The following GANC variants were observed in gnomAD, a reference collection of about 807,000 sequenced individuals.
GANC encodes glucosidase alpha, neutral C.
In GANC, 117 loss-of-function variants were observed where a neutral mutation model predicts 124.2. That is an observed-to-expected ratio of 0.94 (90% CI 0.81 to 1.10). The LOEUF (loss-of-function observed/expected upper bound fraction) is 1.10. Among genes scored for constraint, GANC ranks in the 50% least tolerant of loss-of-function variants. The probability of loss-of-function intolerance (pLI) is 0.00; values close to 1 mark genes in which losing one functional copy is unlikely to be tolerated. For missense variants in GANC, 1,140 were observed against 1,095.0 expected (o/e 1.04, Z -0.58); for synonymous variants, 377 against 376.8 (o/e 1.00, Z -0.01).
At chr15:42,289,354 C>T (rs369084005) in intron 4 of GANC, among the ~76,000 whole-genome samples, 2 of 152,212 alleles carry the variant, frequency 1.3e-5, no homozygotes, top group East Asian at 1.9e-4. Context: ...TCCTAGAGCC[C>T]AGCAGTTGTC....
In GANC at chr15:42,310,810, CCTT is replaced by C; in HGVS notation, c.1024_1026del (p.Ser342del). 1 of 1,614,130 alleles carries C rather than the reference CCTT, an allele frequency of 6.2e-7. No individual in the cohort carries two copies. The highest frequency in any genetic ancestry group is 8.5e-7 in the Non-Finnish European group (1 of 1,179,952). On this transcript the variant is annotated inframe_deletion, in exon 10 of 24. Transcript: ENST00000318010. ...TGTTTTTCTGCTGACAGGACCTACA[CCTT>C]CTGATGTCTTCAAACAGTACTCACA...
intron 6 of GANC, among the ~76,000 whole-genome samples, chr15:42,301,585 G>C (rs960494674): frequency 1.3e-5 from 2 of 152,074 alleles, no homozygotes; most frequent in African/African-American, 4.8e-5. Flanking sequence ...ACAGAACCCA[G>C]CAAGCTAAGA....
intron 13 of GANC, among the ~76,000 whole-genome samples, chr15:42,328,363 A>T (rs1595779834): frequency 6.6e-6 from 1 of 152,192 alleles, no homozygotes; most frequent in East Asian, 1.9e-4. Context: ...AAAGTTGAAA[A>T]TATTTACTAT....
chr15:42,292,379 T>TG (rs997027035), intron 4 of GANC, among the ~76,000 whole-genome samples: 3 of 150,500 alleles, frequency 2.0e-5, no homozygotes, highest in Non-Finnish European at 3.0e-5. Context: ...TACTGTGTGT[T>TG]TTTTTTTTTA....
chr15:42,310,158 G>T, intron 8 of GANC, 125 bp from the exon 9 acceptor site: 1 of 658,618 alleles, frequency 1.5e-6, no homozygotes, highest in Non-Finnish European at 2.3e-6. Context: ...TTAGGGAAGT[G>T]GCAAGAGTTG....
At chr15:42,342,772 C>T (rs2052336750) in intron 18 of GANC, among the ~76,000 whole-genome samples, 1 of 152,182 alleles carries the variant, frequency 6.6e-6, no homozygotes. Context: ...TGACTACTGA[C>T]ACATTAGCAG....
rs146960888 is a variant in GANC, at chr15:42,313,806, G to A, written c.1057+2960G>A. ...ACATGGGCTGGGCACAGTGGCTCAC[G>A]CCTGTAATCCCAGTGCTTTGGGAAG... On this transcript the variant is annotated intron_variant, in intron 10 of 23. Coordinates refer to ENST00000318010, the MANE Select transcript of GANC (RefSeq NM_198141.3). 2,287 of 483,236 alleles carry A rather than the reference G, an allele frequency of 4.7e-3. 13 individuals are homozygous for A. Among genetic ancestry groups the A allele is most frequent in the Non-Finnish European group, 6.5e-3 (1,778 of 272,004 alleles). The allele number at this position is 483,236 out of a possible 1,614,324, so 29.9% of individuals were successfully genotyped here. A position where few individuals can be genotyped will look rare whatever the true frequency, so the allele number is the denominator to read the frequency against.
At chr15:42,340,630 G>T in intron 17 of GANC, 60 bp from the exon 18 acceptor site, 5 of 1,184,764 alleles carry the variant, frequency 4.2e-6, no homozygotes, top group Non-Finnish European at 6.0e-6. Flanking sequence ...AAAAATATAA[G>T]TGATTGATTG....
At chr15:42,286,059 T>G (rs1473402900) in intron 3 of GANC, among the ~76,000 whole-genome samples, 2 of 151,838 alleles carry the variant, frequency 1.3e-5, no homozygotes, top group African/African-American at 4.8e-5. Flanking sequence ...TGGGACAATC[T>G]CTGAGTGAAT....
chr15:42,347,347 C>T (rs1003802524), intron 20 of GANC, among the ~76,000 whole-genome samples: 1 of 152,118 alleles, frequency 6.6e-6, no homozygotes, highest in Non-Finnish European at 1.5e-5. Flanking sequence ...CCTGCATGCT[C>T]ATTCTTGAGT....
chr15:42,299,644 C>T (rs1035397566), intron 6 of GANC, among the ~76,000 whole-genome samples: 1 of 152,140 alleles, frequency 6.6e-6, no homozygotes, highest in African/African-American at 2.4e-5. Flanking sequence ...TCCCGTATAG[C>T]CAAGACAATC....
intron 3 of GANC, chr15:42,280,824 G>A (rs1566948594): frequency 1.6e-6 from 1 of 639,574 alleles, no homozygotes; most frequent in Non-Finnish European, 2.8e-6. Context: ...CGTGATACCA[G>A]TTTGCGGTGG....
rs2051730089 is a variant in GANC at position 42,281,185 on chromosome 15, C to G, written c.201+2595C>G. The G allele has an allele frequency of 5.9e-6, 4 of 680,514 alleles. No individual in the cohort carries two copies. The South Asian group carries it at 6.2e-5, about 11-fold the overall frequency. 42.2% of individuals were successfully genotyped at this position (680,514 alleles called of 1,614,324 possible). On this transcript the variant is annotated intron_variant, in intron 3 of 23. Transcript: ENST00000318010. ...GGAATCTGCATGCCCTGATCTCAGGCAAATGTATGCAAATACATATTTCGG... is the reference window on the plus strand; with the variant it reads ...GGAATCTGCATGCCCTGATCTCAGGGAAATGTATGCAAATACATATTTCGG...
intron 5 of GANC, among the ~76,000 whole-genome samples, chr15:42,295,688 A>ACG (rs1424481110): frequency 4.2e-5 from 6 of 143,270 alleles, no homozygotes; most frequent in African/African-American, 1.5e-4. Context: ...ACACACACAC[A>ACG]GCGTGAACAA....
Position 42,274,596 on chromosome 15 carries a change from A to G in GANC, c.29+86A>G, listed in dbSNP as rs924109628. On this transcript the variant is annotated intron_variant, in intron 1 of 23. Coordinates refer to ENST00000318010, the MANE Select transcript of GANC (RefSeq NM_198141.3). Reference sequence around the variant, plus strand: ...TTTTAATTGCATTTCTTATTTGCGTATTTGGTATTTGCTGACCTTTATCTT... The same window carrying G: ...TTTTAATTGCATTTCTTATTTGCGTGTTTGGTATTTGCTGACCTTTATCTT... 4 of 1,296,408 alleles carry G rather than the reference A, an allele frequency of 3.1e-6. 1 individual carries two copies. Among genetic ancestry groups the G allele is most frequent in the Non-Finnish European group, 4.3e-6 (4 of 937,152 alleles). The allele number at this position is 1,296,408 out of a possible 1,614,324, so 80.3% of individuals were successfully genotyped here.
At chr15:42,328,506 C>CAA (rs530447078) in intron 13 of GANC, among the ~76,000 whole-genome samples, 2,668 of 104,034 alleles carry the variant, frequency 0.026, 89 homozygotes, top group African/African-American at 0.087. Flanking sequence ...AATAAAGATT[C>CAA]AAAAAAAAAA....
At chr15:42,297,365 G>A (rs774247255) in intron 5 of GANC, among the ~76,000 whole-genome samples, 4 of 152,010 alleles carry the variant, frequency 2.6e-5, no homozygotes, top group Middle Eastern at 3.2e-3. Flanking sequence ...ATCTCACTAT[G>A]TTACCCAGGC....
At chr15:42,297,164 A>C (rs1406735422) in intron 5 of GANC, among the ~76,000 whole-genome samples, 2 of 151,830 alleles carry the variant, frequency 1.3e-5, no homozygotes, top group Non-Finnish European at 2.9e-5. Context: ...TACCTTGCTT[A>C]CTTAGATTTT....
chr15:42,273,570 G>A lies in GANC; in HGVS notation c.-912G>A. On this transcript the variant is annotated 5_prime_UTR_variant, in exon 1 of 24. Transcript: ENST00000318010. Reference sequence around the variant, plus strand: ...TCAGACAGTCGTCTGTGCGCCGTGAGACTTTGGACCTACTGCGCAGGCGTC... The same window carrying A: ...TCAGACAGTCGTCTGTGCGCCGTGAAACTTTGGACCTACTGCGCAGGCGTC... 1 of 1,199,812 alleles carries A rather than the reference G, an allele frequency of 8.3e-7. No individual in the cohort carries two copies. The highest frequency in any genetic ancestry group is 2.6e-5 in the East Asian group (1 of 38,732). 74.3% of individuals were successfully genotyped at this position (1,199,812 alleles called of 1,614,324 possible).
Sources: gnomAD v4.1 joint callset for allele counts (sites outside exome capture counted in the v4.1 genomes callset) on GRCh38, gnomAD v4.1.1 for gene constraint, MANE v1.5 for transcripts, NCBI Gene and HGNC (gene_info 2026-07-23, HGNC 2026-07-21) for gene names.